Variants in PLEKHA5 observed in about 807,000 individuals in gnomAD.
PLEKHA5 encodes pleckstrin homology domain containing A5.
PLEKHA5 carries 55 observed loss-of-function variants against 181.9 expected under a neutral mutation model. The observed-to-expected ratio is 0.30, with a 90% CI of 0.24 to 0.38. The LOEUF (loss-of-function observed/expected upper bound fraction) is 0.38. Among genes scored for constraint, PLEKHA5 ranks in the 10% least tolerant of loss-of-function variants. PLEKHA5 has a pLI of 1.00. For missense variants in PLEKHA5, 1,432 were observed against 1,549.5 expected, an observed-to-expected ratio of 0.92 and a Z score of 1.27; for synonymous variants, 535 against 529.4, an observed-to-expected ratio of 1.01 and a Z score of -0.15.
At chr12:19,267,504 AC>A (rs2070880846) in intron 8 of PLEKHA5, among the ~76,000 whole-genome samples, 1 of 152,090 alleles carries the variant, frequency 6.6e-6, no homozygotes, top group South Asian at 2.1e-4. Flanking sequence ...TACTAAAAAT[AC>A]AAAAATTAAC....
At chr12:19,319,428 TA>T (rs2090046125) in intron 16 of PLEKHA5, among the ~76,000 whole-genome samples, 2 of 152,222 alleles carry the variant, frequency 1.3e-5, no homozygotes, top group Admixed American at 1.3e-4. Context: ...ATCTCCTGTT[TA>T]AATGATGCTT....
intron 18 of PLEKHA5, among the ~76,000 whole-genome samples, chr12:19,321,185 GGAAGACT>G (rs2090613207): frequency 6.6e-6 from 1 of 151,026 alleles, no homozygotes; most frequent in Non-Finnish European, 1.5e-5. Context: ...AAAAAGTTAT[GGAAGACT>G]AGAGACTGGA....
chr12:19,186,985 C>G (rs996935943), intron 3 of PLEKHA5, among the ~76,000 whole-genome samples: 2 of 152,120 alleles, frequency 1.3e-5, no homozygotes, highest in African/African-American at 2.4e-5. Context: ...CTCTAACCAC[C>G]TATGGCATTA....
chr12:19,319,333 A>G (rs1592472770), intron 16 of PLEKHA5, among the ~76,000 whole-genome samples: 1 of 152,276 alleles, frequency 6.6e-6, no homozygotes, highest in Admixed American at 6.5e-5. Flanking sequence ...GAAATGAAAT[A>G]TAAATCCAGG....
At chr12:19,342,355 AT>A (rs1477846106) in intron 21 of PLEKHA5, among the ~76,000 whole-genome samples, 2 of 152,030 alleles carry the variant, frequency 1.3e-5, no homozygotes, top group African/African-American at 2.4e-5. Flanking sequence ...ATGATGTGGA[AT>A]TTTAGAAGTA....
chr12:19,354,982 C>A (rs1381262050), intron 26 of PLEKHA5, among the ~76,000 whole-genome samples: 1 of 152,056 alleles, frequency 6.6e-6, no homozygotes, highest in Admixed American at 6.6e-5. Flanking sequence ...CCTGTGGCCT[C>A]CCAAAAGTTA....
At chr12:19,227,788 C>T (rs2059905443) in intron 3 of PLEKHA5, among the ~76,000 whole-genome samples, 1 of 152,150 alleles carries the variant, frequency 6.6e-6, no homozygotes, top group Non-Finnish European at 1.5e-5. Flanking sequence ...CCGATCTCTG[C>T]CACAGCAGCA....
chr12:19,134,226 T>C (rs1025487063), intron 3 of PLEKHA5, among the ~76,000 whole-genome samples: 1 of 152,112 alleles, frequency 6.6e-6, no homozygotes. Context: ...TTTTCTTTTA[T>C]GTTTACTTAA....
chr12:19,222,858 C>T (rs1395582779), intron 3 of PLEKHA5, among the ~76,000 whole-genome samples: 2 of 152,030 alleles, frequency 1.3e-5, no homozygotes, highest in African/African-American at 4.8e-5. Context: ...CACCACACTT[C>T]GGGGGGTAGC....
intron 3 of PLEKHA5, among the ~76,000 whole-genome samples, chr12:19,250,532 G>T (rs1173774025): frequency 6.6e-6 from 1 of 152,054 alleles, no homozygotes; most frequent in Non-Finnish European, 1.5e-5. Flanking sequence ...GCAGTGAGCT[G>T]AGATTGTGCC....
intron 3 of PLEKHA5, among the ~76,000 whole-genome samples, chr12:19,157,605 G>C (rs1457219938): frequency 2.0e-5 from 3 of 151,986 alleles, no homozygotes; most frequent in African/African-American, 7.3e-5. Context: ...CAAGCACTCT[G>C]CTGGGTCTTT....
At chr12:19,352,791 C>CT (rs1024168567) in intron 25 of PLEKHA5, among the ~76,000 whole-genome samples, 141 of 149,998 alleles carry the variant, frequency 9.4e-4, no homozygotes, top group African/African-American at 2.3e-3. Context: ...TCTCTTTTTT[C>CT]TTTTTTTTTG....
chr12:19,255,662 G>A (rs1465800743), intron 5 of PLEKHA5, among the ~76,000 whole-genome samples: 1 of 151,662 alleles, frequency 6.6e-6, no homozygotes, highest in East Asian at 1.9e-4. Context: ...AATAATTTCT[G>A]ATTATTAAGT....
intron 3 of PLEKHA5, among the ~76,000 whole-genome samples, chr12:19,168,357 AC>A (rs1269597266): frequency 6.6e-6 from 1 of 152,214 alleles, no homozygotes; most frequent in Non-Finnish European, 1.5e-5. Flanking sequence ...CTATTCTAAT[AC>A]AAAATAAAGC....
At chr12:19,138,246 G>C (rs906737391) in intron 3 of PLEKHA5, among the ~76,000 whole-genome samples, 8 of 152,066 alleles carry the variant, frequency 5.3e-5, no homozygotes, top group Non-Finnish European at 7.4e-5. Flanking sequence ...GAAAAGTTAT[G>C]TGTATATGTG....
chr12:19,336,509 T>C lies in PLEKHA5; in HGVS notation c.2449-6T>C. On this transcript the variant is annotated splice_region_variant and splice_polypyrimidine_tract_variant and intron_variant, in intron 20 of 31. Transcript: ENST00000429027. ...CATTAAAGTAATTAACACTTTTTGG[T>C]TTTAGGAATTGGAACGAGCATGGAG... The C allele has an allele frequency of 6.5e-7, 1 of 1,527,678 alleles. No homozygotes were observed. The highest frequency in any genetic ancestry group is 9.0e-7 in the Non-Finnish European group (1 of 1,107,320). The allele number at this position is 1,527,678 out of a possible 1,614,324, so 94.6% of individuals were successfully genotyped here.
At chr12:19,161,853 G>C (rs539404649) in intron 3 of PLEKHA5, among the ~76,000 whole-genome samples, 1 of 152,278 alleles carries the variant, frequency 6.6e-6, no homozygotes, top group Admixed American at 6.5e-5. Flanking sequence ...GATTAACCAA[G>C]ATTGAGTATG....
At chr12:19,295,784 C>T (rs1430813722) in intron 15 of PLEKHA5, among the ~76,000 whole-genome samples, 1 of 152,112 alleles carries the variant, frequency 6.6e-6, no homozygotes, top group Non-Finnish European at 1.5e-5. Context: ...GGCTCCTGTA[C>T]CCTACTGGTT....
At chr12:19,261,777 T>G (rs1040872919) in intron 7 of PLEKHA5, among the ~76,000 whole-genome samples, 1 of 152,236 alleles carries the variant, frequency 6.6e-6, no homozygotes, top group Non-Finnish European at 1.5e-5. Context: ...GTATAGCTTA[T>G]AAGATATAAC....
Sources: gnomAD v4.1 joint callset for allele counts (sites outside exome capture counted in the v4.1 genomes callset) on GRCh38, gnomAD v4.1.1 for gene constraint, MANE v1.5 for transcripts, NCBI Gene and HGNC (gene_info 2026-07-23, HGNC 2026-07-21) for gene names.